The following ZMYM4 variants were observed in gnomAD, a reference collection of about 807,000 sequenced individuals.
The protein encoded by ZMYM4 is zinc finger MYM-type containing 4.
ZMYM4 carries 31 observed loss-of-function variants against 183.2 expected under a neutral mutation model. The observed-to-expected ratio is 0.17, with a 90% CI of 0.13 to 0.23. ZMYM4 has a LOEUF of 0.23. Among genes scored for constraint, ZMYM4 ranks in the 10% least tolerant of loss-of-function variants. ZMYM4 has a pLI of 1.00. For synonymous variants in ZMYM4, 592 were observed against 631.2 expected, an observed-to-expected ratio of 0.94 and a Z score of 0.93; for missense variants, 1,273 against 1,840.3, an observed-to-expected ratio of 0.69 and a Z score of 5.64.
intron 1 of ZMYM4, among the ~76,000 whole-genome samples, chr1:35,275,305 C>G (rs667918): frequency 0.25 from 38,464 of 151,694 alleles, 10,231 homozygotes; most frequent in East Asian, 0.77. Context: ...ACAGTGGTGC[C>G]ATCTCAGCTC....
At chr1:35,378,760 C>A (rs1260407909) in intron 7 of ZMYM4, among the ~76,000 whole-genome samples, 1 of 152,186 alleles carries the variant, frequency 6.6e-6, no homozygotes, top group Non-Finnish European at 1.5e-5. Context: ...CAATAGAAGA[C>A]TGTTTCTTCT....
intron 5 of ZMYM4, among the ~76,000 whole-genome samples, chr1:35,367,712 T>C (rs540719519): frequency 4.6e-5 from 7 of 152,206 alleles, no homozygotes; most frequent in Admixed American, 6.5e-5. Flanking sequence ...CATGGTGGCT[T>C]ATGCCTGTAA....
chr1:35,294,931 T>C, intron 1 of ZMYM4, among the ~76,000 whole-genome samples: 1 of 152,224 alleles, frequency 6.6e-6, no homozygotes, highest in Non-Finnish European at 1.5e-5. Flanking sequence ...AGATAACCAC[T>C]TGAGTCATTT....
At chr1:35,285,831 A>G (rs1640455848) in intron 1 of ZMYM4, among the ~76,000 whole-genome samples, 1 of 152,236 alleles carries the variant, frequency 6.6e-6, no homozygotes, top group Non-Finnish European at 1.5e-5. Flanking sequence ...AGTATTAAAG[A>G]AAAGCTAACA....
chr1:35,337,939 AAAAAT>A (rs530412815), intron 2 of ZMYM4, among the ~76,000 whole-genome samples: 8 of 152,214 alleles, frequency 5.3e-5, no homozygotes, highest in East Asian at 1.9e-4. Flanking sequence ...ACTCCATCTC[AAAAAT>A]AAAATAAAAT....
chr1:35,347,015 T>G (rs953253120), intron 2 of ZMYM4, among the ~76,000 whole-genome samples: 3 of 152,232 alleles, frequency 2.0e-5, no homozygotes, highest in Non-Finnish European at 4.4e-5. Flanking sequence ...ATATATGTAT[T>G]TATTTTGAGA....
At chr1:35,307,263 G>T (rs1472168083) in intron 1 of ZMYM4, among the ~76,000 whole-genome samples, 1 of 152,124 alleles carries the variant, frequency 6.6e-6, no homozygotes, top group Non-Finnish European at 1.5e-5. Context: ...AGAGTAAGGG[G>T]AGAAAACACT....
intron 1 of ZMYM4, chr1:35,310,558 A>G (rs189842154): frequency 6.5e-6 from 1 of 153,308 alleles, no homozygotes; most frequent in East Asian, 1.9e-4. Flanking sequence ...TTTTTAAATG[A>G]ATGTATGCTA....
chr1:35,302,012 T>G (rs1386823519), intron 1 of ZMYM4, among the ~76,000 whole-genome samples: 1 of 152,160 alleles, frequency 6.6e-6, no homozygotes, highest in African/African-American at 2.4e-5. Context: ...ACCTTTTAGT[T>G]GTTTAAGGCA....
At chr1:35,405,812 A>G (rs1644993113) in intron 25 of ZMYM4, among the ~76,000 whole-genome samples, 1 of 150,786 alleles carries the variant, frequency 6.6e-6, no homozygotes, top group African/African-American at 2.4e-5. Flanking sequence ...CTTGCTTCTA[A>G]TGTAGGAATT....
chr1:35,385,613 T>A, intron 10 of ZMYM4, 21 bp downstream of exon 10: 1 of 1,566,360 alleles, frequency 6.4e-7, no homozygotes, highest in Non-Finnish European at 8.6e-7. Context: ...TTTCACAAAC[T>A]ATGAAATGCA....
intron 13 of ZMYM4, among the ~76,000 whole-genome samples, chr1:35,388,402 A>G (rs1256308472): frequency 6.6e-6 from 1 of 152,096 alleles, no homozygotes; most frequent in Non-Finnish European, 1.5e-5. Flanking sequence ...ACAGGGCTTC[A>G]CCATGTTGGC....
intron 2 of ZMYM4, among the ~76,000 whole-genome samples, chr1:35,333,605 G>T (rs917648937): frequency 2.6e-5 from 4 of 151,904 alleles, no homozygotes; most frequent in Non-Finnish European, 5.9e-5. Flanking sequence ...TGTTGGCTTG[G>T]CCTCACCTTC....
Position 35,352,386 on chromosome 1 carries a change from G to GCACACACACACA in ZMYM4, c.86-6512_86-6501dup, listed in dbSNP as rs374281470. Among the ~76,000 whole-genome samples the GCACACACACACA allele has an allele frequency of 4.9e-4, 63 of 128,468 alleles. 1 individual carries two copies. Among genetic ancestry groups the GCACACACACACA allele is most frequent in the African/African-American group, 1.7e-3 (57 of 33,758 alleles). 84.3% of individuals were successfully genotyped at this position (128,468 alleles called of 152,430 possible). ...CTCTACTAATAATTTAAAAATTAGC[G>GCACACACACACA]CACACACACACACACACACACACAC... On this transcript the variant is annotated intron_variant, in intron 2 of 29. Coordinates refer to ENST00000314607, the MANE Select transcript of ZMYM4 (RefSeq NM_005095.3).
intron 25 of ZMYM4, among the ~76,000 whole-genome samples, chr1:35,405,791 C>G (rs1309781834): frequency 6.7e-6 from 1 of 149,792 alleles, no homozygotes; most frequent in Non-Finnish European, 1.5e-5. Flanking sequence ...AAGAAAAATA[C>G]CTGGAAAAGC....
intron 1 of ZMYM4, among the ~76,000 whole-genome samples, chr1:35,321,313 G>C (rs1005577086): frequency 6.6e-6 from 1 of 152,130 alleles, no homozygotes; most frequent in Non-Finnish European, 1.5e-5. Flanking sequence ...AGGAGTAGCA[G>C]CTTTAGCTTG....
At chr1:35,376,683 C>T (rs1044590016) in intron 7 of ZMYM4, among the ~76,000 whole-genome samples, 1 of 151,752 alleles carries the variant, frequency 6.6e-6, no homozygotes, top group South Asian at 2.1e-4. Flanking sequence ...GCCACCATGC[C>T]CAGCTAATTT....
chr1:35,275,191 T>TA (rs61273662), intron 1 of ZMYM4, among the ~76,000 whole-genome samples: 3,187 of 152,304 alleles, frequency 0.021, 109 homozygotes, highest in African/African-American at 0.073. Context: ...AGCTGTGATT[T>TA]ACTTTAAAGA....
intron 1 of ZMYM4, among the ~76,000 whole-genome samples, chr1:35,324,169 C>T (rs1642410074): frequency 6.6e-6 from 1 of 151,616 alleles, no homozygotes; most frequent in Admixed American, 6.6e-5. Context: ...AAATTTTTTT[C>T]TGTTATCCCT....
Sources: allele counts gnomAD v4.1 joint callset (sites outside exome capture counted in the v4.1 genomes callset), GRCh38; gene constraint gnomAD v4.1.1; transcripts MANE v1.5; gene names NCBI Gene and HGNC (gene_info 2026-07-23, HGNC 2026-07-21).